Variants in CLPB observed in about 807,000 individuals in gnomAD.
CLPB encodes ClpB family mitochondrial disaggregase.
Under a neutral mutation model 78.4 loss-of-function variants are expected in CLPB, and 40 were observed. The ratio of observed to expected loss-of-function variants is 0.51; its 90% CI spans 0.40 to 0.66. The LOEUF (loss-of-function observed/expected upper bound fraction) is 0.66, where lower values mean the gene tolerates loss of function less well. Among genes scored for constraint, CLPB ranks in the 30% least tolerant of loss-of-function variants. The pLI, the probability that CLPB is intolerant of heterozygous loss-of-function variation, is 0.00. For synonymous variants in CLPB, 333 were observed against 348.0 expected (o/e 0.96, Z 0.48); for missense variants, 780 against 886.9 (o/e 0.88, Z 1.53).
rs1477147031 is a variant in CLPB at position 72,286,511 on chromosome 11, C to CT, written c.*6855dup. 1 of 151,910 alleles carries CT rather than the reference C, an allele frequency of 6.6e-6. No individual in the cohort carries two copies. The highest frequency in any genetic ancestry group is 2.4e-5 in the African/African-American group (1 of 41,344). The allele number at this position is 151,910 out of a possible 1,614,324, so 9.4% of individuals were successfully genotyped here. A position where few individuals can be genotyped will look rare whatever the true frequency, so the allele number is the denominator to read the frequency against. On this transcript the variant is annotated 3_prime_UTR_variant, in exon 16 of 16. Coordinates refer to ENST00000538039, the MANE Select transcript of CLPB (RefSeq NM_001258392.3). ...TGTTTGTTTTTGAGACAGTCTCACTCTGTCATCCAGGCTGGAGTGCAGTGG... is the reference window on the plus strand; with the variant it reads ...TGTTTGTTTTTGAGACAGTCTCACTCTTGTCATCCAGGCTGGAGTGCAGTGG...
At chr11:72,414,974 T>C (rs1855978733) in intron 2 of CLPB, among the ~76,000 whole-genome samples, 1 of 152,070 alleles carries the variant, frequency 6.6e-6, no homozygotes, top group Non-Finnish European at 1.5e-5. Context: ...TCCCAGTACT[T>C]TGAGAGGCCG....
Position 72,312,035 on chromosome 11 carries a change from T to C in CLPB, c.989-3431A>G, listed in dbSNP as rs763492015. Among the ~76,000 whole-genome samples, 9 of 152,188 alleles carry C rather than the reference T, an allele frequency of 5.9e-5. No individual in the cohort carries two copies. The highest frequency in any genetic ancestry group is 1.2e-4 in the African/African-American group (5 of 41,434). ...GCATGCATTCATCTACCGGGTGGTA[T>C]AGTGGAGAGGGCAGGAGTTACAGGA... is the stretch of plus-strand genomic sequence containing the variant. On this transcript the variant is annotated intron_variant, in intron 7 of 15. Coordinates refer to ENST00000538039, the MANE Select transcript of CLPB (RefSeq NM_001258392.3). The surrounding 1 kb of genome is among the most constrained non-coding windows in gnomAD (Gnocchi z 4.2).
At chr11:72,428,880 T>G (rs1349343799) in intron 2 of CLPB, 1 of 152,206 alleles carries the variant, frequency 6.6e-6, no homozygotes, top group East Asian at 1.9e-4. Context: ...TTGAAAGAAC[T>G]AAATAATCAA....
Position 72,329,866 on chromosome 11 carries a change from C to G in CLPB, c.776-62G>C, listed in dbSNP as rs59514150. The stretch of plus-strand genomic sequence containing the variant: ...ACGATCAGTGGGACCTCAGCCTTCC[C>G]TTGGAGGTGGCTTAAGGCTCTGATT... On this transcript the variant is annotated intron_variant, in intron 5 of 15. Transcript: ENST00000538039. 16,128 of 1,331,242 alleles carry G rather than the reference C, an allele frequency of 0.012. 568 individuals carry two copies. The highest frequency in any genetic ancestry group is 0.12 in the African/African-American group (8,122 of 68,482). 82.5% of individuals were successfully genotyped at this position (1,331,242 alleles called of 1,614,324 possible).
At chr11:72,311,938 C>T (rs1224486647) in intron 7 of CLPB, among the ~76,000 whole-genome samples, 4 of 152,230 alleles carry the variant, frequency 2.6e-5, no homozygotes, top group Non-Finnish European at 5.9e-5. Context: ...TGAAAACTCA[C>T]CTGCAACAGC....
intron 6 of CLPB, 106 bp from the exon 7 acceptor site, chr11:72,317,326 C>A: frequency 2.6e-6 from 2 of 773,468 alleles, no homozygotes; most frequent in Non-Finnish European, 4.0e-6. Flanking sequence ...ATCCAGGGGT[C>A]CTGCTTCATA....
chr11:72,434,034 C>A, intron 1 of CLPB, 38 bp downstream of exon 1: 1 of 1,594,508 alleles, frequency 6.3e-7, no homozygotes, highest in African/African-American at 1.3e-5. Flanking sequence ...GACAATCTTC[C>A]CGCCTCTCCC....
intron 2 of CLPB, among the ~76,000 whole-genome samples, chr11:72,429,927 C>G (rs1384268509): frequency 6.6e-6 from 1 of 152,240 alleles, no homozygotes; most frequent in African/African-American, 2.4e-5. Flanking sequence ...CCCAAATCCC[C>G]AAGCCTTTCC....
intron 2 of CLPB, among the ~76,000 whole-genome samples, chr11:72,405,596 C>T (rs1855685585): frequency 6.6e-6 from 1 of 152,246 alleles, no homozygotes; most frequent in African/African-American, 2.4e-5. Context: ...CACATCTCTC[C>T]CAGCAGTTCT....
Position 72,433,729 on chromosome 11 carries a change from G to A in CLPB, c.403+343C>T, listed in dbSNP as rs553293747. ...GCCCTTAAAACACCCCATAATTTCC[G>A]TTTCCTGGAGATCTCAGGAAAGAGG... On this transcript the variant is annotated intron_variant, in intron 1 of 15. Transcript: ENST00000538039. Among the ~76,000 whole-genome samples the A allele has an allele frequency of 2.6e-5, 4 of 151,918 alleles. No homozygotes were observed. The East Asian group carries it at 7.7e-4, about 29-fold the overall frequency.
chr11:72,345,811 C>T (rs1950502171), intron 5 of CLPB, among the ~76,000 whole-genome samples: 1 of 152,062 alleles, frequency 6.6e-6, no homozygotes, highest in Admixed American at 6.6e-5. Flanking sequence ...ACTTAGGAAC[C>T]CAGTATTTGA....
intron 2 of CLPB, among the ~76,000 whole-genome samples, chr11:72,416,731 G>A (rs1386270034): frequency 6.4e-4 from 73 of 113,820 alleles, no homozygotes; most frequent in Non-Finnish European, 9.6e-4. Context: ...GCAAGACTCC[G>A]TCTCAAAAAA....
chr11:72,386,527 C>CA (rs1855082467), intron 3 of CLPB, among the ~76,000 whole-genome samples: 2 of 152,182 alleles, frequency 1.3e-5, no homozygotes, highest in Non-Finnish European at 2.9e-5. Context: ...TCATTACCTT[C>CA]AACAGGCACA....
chr11:72,297,448 A>C (rs573854772), intron 11 of CLPB, among the ~76,000 whole-genome samples: 1 of 152,332 alleles, frequency 6.6e-6, no homozygotes, highest in East Asian at 1.9e-4. Flanking sequence ...GGGTCTATAC[A>C]CAAGGGGCCT....
intron 4 of CLPB, among the ~76,000 whole-genome samples, chr11:72,363,858 A>C (rs543019529): frequency 4.3e-4 from 66 of 152,308 alleles, no homozygotes; most frequent in African/African-American, 1.6e-3. Flanking sequence ...ATACCAGCTG[A>C]AGCTCAGGGA....
intron 6 of CLPB, among the ~76,000 whole-genome samples, chr11:72,324,792 C>G (rs955187796): frequency 2.0e-5 from 3 of 152,116 alleles, no homozygotes; most frequent in African/African-American, 7.2e-5. Flanking sequence ...CTCCTGTGTG[C>G]TCCCCCTCTC....
intron 2 of CLPB, chr11:72,408,338 C>T (rs1233339230): frequency 4.3e-6 from 3 of 703,108 alleles, no homozygotes; most frequent in Non-Finnish European, 7.1e-6. Flanking sequence ...AGGATTAAAA[C>T]AGAATTTCGT....
intron 3 of CLPB, among the ~76,000 whole-genome samples, chr11:72,398,784 G>A (rs1855481501): frequency 6.6e-6 from 1 of 152,206 alleles, no homozygotes; most frequent in South Asian, 2.1e-4. Context: ...AGACCCCAAT[G>A]ACTGTTCCTT....
intron 8 of CLPB, 36 bp downstream of exon 8, chr11:72,308,491 C>G (rs749791770): frequency 2.0e-5 from 32 of 1,592,864 alleles, no homozygotes; most frequent in Non-Finnish European, 2.3e-5. Flanking sequence ...ACTACCCTAG[C>G]TCTCTGTCCC....
Sources: allele counts gnomAD v4.1 joint callset (sites outside exome capture counted in the v4.1 genomes callset), GRCh38; gene constraint gnomAD v4.1.1; non-coding constraint Gnocchi (gnomAD v3.1); transcripts MANE v1.5; gene names NCBI Gene and HGNC (gene_info 2026-07-23, HGNC 2026-07-21).